The following ATXN8OS variants were observed in gnomAD, a reference collection of about 807,000 sequenced individuals.
ATXN8OS encodes the protein ATXN8 opposite strand lncRNA.
At chr13:70,163,517 T>G (rs1324845352) in intron 4 of ATXN8OS, among the ~76,000 whole-genome samples, 1 of 152,036 alleles carries the variant, frequency 6.6e-6, no homozygotes, top group Non-Finnish European at 1.5e-5. Context: ...TAGACTTACA[T>G]CACATTCTAA....
intron 3 of ATXN8OS, among the ~76,000 whole-genome samples, chr13:70,142,274 A>G (rs1888728288): frequency 2.0e-5 from 3 of 152,214 alleles, no homozygotes; most frequent in Admixed American, 6.5e-5. Flanking sequence ...GTGATAAACA[A>G]GTTTATTTAT....
chr13:70,145,891 C>G lies in ATXN8OS; in HGVS notation n.500-1464C>G, dbSNP rs1888778162. On this transcript the variant is annotated intron_variant and non_coding_transcript_variant, in intron 3 of 4. Transcript: ENST00000678624. ...TCTAAAACACCAAAAGCAATGGCAA[C>G]AAAAGCCAAAATTGACAAATGGGAT... Among the ~76,000 whole-genome samples, 3 of 150,470 alleles carry G rather than the reference C, an allele frequency of 2.0e-5. No individual in the cohort carries two copies. In the South Asian group the frequency reaches 6.4e-4, roughly 32 times the overall value.
intron 3 of ATXN8OS, chr13:70,139,544 G>T (rs1454693371): frequency 6.2e-6 from 3 of 487,800 alleles, no homozygotes; most frequent in Non-Finnish European, 1.1e-5. Context: ...ATAAAGAATT[G>T]ATTTTTCAAT....
chr13:70,120,623 A>C (rs2137474876), intron 2 of ATXN8OS, among the ~76,000 whole-genome samples: 1 of 152,288 alleles, frequency 6.6e-6, no homozygotes, highest in Non-Finnish European at 1.5e-5. Context: ...ACTAAACAAT[A>C]AAAATAGCTC....
At chr13:70,131,721 T>C (rs931202994) in intron 3 of ATXN8OS, among the ~76,000 whole-genome samples, 1 of 151,876 alleles carries the variant, frequency 6.6e-6, no homozygotes, top group African/African-American at 2.4e-5. Flanking sequence ...TACCTCCCTC[T>C]GTCTTTCCTT....
At chr13:70,120,742 TA>T (rs1423054596) in intron 2 of ATXN8OS, among the ~76,000 whole-genome samples, 1 of 152,056 alleles carries the variant, frequency 6.6e-6, no homozygotes, top group Non-Finnish European at 1.5e-5. Flanking sequence ...TATGCAGCCA[TA>T]AAAAATGATG....
chr13:70,120,523 T>G (rs1888344224), intron 2 of ATXN8OS, among the ~76,000 whole-genome samples: 1 of 152,200 alleles, frequency 6.6e-6, no homozygotes, highest in Admixed American at 6.5e-5. Context: ...TACTGAACAC[T>G]TGCTTTAGGC....
At chr13:70,146,998 A>G (rs757452566) in intron 3 of ATXN8OS, among the ~76,000 whole-genome samples, 2 of 152,206 alleles carry the variant, frequency 1.3e-5, no homozygotes, top group African/African-American at 4.8e-5. Context: ...CAGTATTTTC[A>G]ATGATTTTTC....
chr13:70,166,317 G>C (rs988808031), intron 4 of ATXN8OS, among the ~76,000 whole-genome samples: 4 of 151,896 alleles, frequency 2.6e-5, no homozygotes, highest in African/African-American at 9.7e-5. Context: ...CCAAAACAGA[G>C]ATATAGACCA....
intron 2 of ATXN8OS, among the ~76,000 whole-genome samples, chr13:70,116,524 A>G (rs1259782513): frequency 3.3e-5 from 5 of 152,178 alleles, no homozygotes; most frequent in African/African-American, 1.2e-4. Flanking sequence ...GAAGCGAGTG[A>G]GCAGAAACGA....
intron 2 of ATXN8OS, among the ~76,000 whole-genome samples, chr13:70,127,403 G>A (rs1038946403): frequency 4.0e-5 from 6 of 151,868 alleles, no homozygotes; most frequent in South Asian, 4.1e-4. Flanking sequence ...AGATATCATC[G>A]AAAGAATATT....
chr13:70,167,015 A>C (rs965153209), intron 4 of ATXN8OS, among the ~76,000 whole-genome samples: 2 of 151,882 alleles, frequency 1.3e-5, no homozygotes, highest in Admixed American at 1.3e-4. Flanking sequence ...GTCAGGAAAC[A>C]ACAGGTGCTG....
chr13:70,126,601 G>T (rs1888440491), intron 2 of ATXN8OS, among the ~76,000 whole-genome samples: 2 of 141,984 alleles, frequency 1.4e-5, no homozygotes, highest in African/African-American at 2.6e-5. Context: ...TATCTATCTA[G>T]ACATATTATA....
At chr13:70,163,886 G>GT (rs59511009) in intron 4 of ATXN8OS, among the ~76,000 whole-genome samples, 9,393 of 144,846 alleles carry the variant, frequency 0.065, 682 homozygotes, top group African/African-American at 0.18. Context: ...GGAAATCATG[G>GT]TTTTTTTTTT....
chr13:70,113,691 C>G (rs573416166), intron 1 of ATXN8OS, among the ~76,000 whole-genome samples: 128 of 152,204 alleles, frequency 8.4e-4, no homozygotes, highest in Non-Finnish European at 9.0e-4. Flanking sequence ...TCTGTTGTCT[C>G]TTTTGAGACA....
rs150569611 is a variant in ATXN8OS at position 70,108,935 on chromosome 13, G to A, written n.240+916G>A. Among the ~76,000 whole-genome samples, 3 of 152,280 alleles carry A rather than the reference G, an allele frequency of 2.0e-5. No homozygotes were observed. The East Asian group carries it at 5.8e-4, about 29-fold the overall frequency. On this transcript the variant is annotated intron_variant and non_coding_transcript_variant, in intron 1 of 4. Coordinates refer to ENST00000678624, the Ensembl canonical transcript of ATXN8OS. ...CACCCAGGCACTGCTTCACTCCTGG[G>A]GCCAGAGGCGTACGGTAGAAATTTG...
intron 3 of ATXN8OS, among the ~76,000 whole-genome samples, chr13:70,137,468 T>C (rs1312773780): frequency 7.2e-5 from 11 of 152,222 alleles, no homozygotes; most frequent in Non-Finnish European, 1.5e-5. Context: ...TGGGTCCTTC[T>C]AGTTTGGCAG....
chr13:70,137,080 G>A (rs188545), intron 3 of ATXN8OS, among the ~76,000 whole-genome samples: 130,252 of 152,240 alleles, frequency 0.86, 55,906 homozygotes, highest in East Asian at 1. Flanking sequence ...CAATTTCATC[G>A]AGAAAGACTT....
intron 3 of ATXN8OS, chr13:70,139,383 A>ACTACTACTACTACTACTACTACTGCTG: frequency 1.3e-5 from 6 of 458,322 alleles, no homozygotes; most frequent in African/African-American, 9.3e-5. Context: ...TACTACTACT[A>ACTACTACTACTACTACTACTACTGCTG]CTGCTGCTGC....
Sources: allele counts gnomAD v4.1 joint callset (sites outside exome capture counted in the v4.1 genomes callset), GRCh38; gene constraint gnomAD v4.1.1; transcripts MANE v1.5; gene names NCBI Gene and HGNC (gene_info 2026-07-23, HGNC 2026-07-21).